The following NEK7 variants were observed in gnomAD, a reference collection of about 807,000 sequenced individuals.
NEK7 encodes the protein NIMA related kinase 7.
NEK7 carries 18 observed loss-of-function variants against 44.6 expected under a neutral mutation model. The ratio of observed to expected loss-of-function variants is 0.40; its 90% CI spans 0.28 to 0.60. NEK7 has a LOEUF of 0.60. NEK7 is among the 20% of genes least tolerant of loss of function. The pLI is 0.38. For missense variants in NEK7, 256 were observed against 366.5 expected (o/e 0.70, Z 2.46); for synonymous variants, 130 against 121.1 (o/e 1.07, Z -0.48).
chr1:198,212,450 G>A (rs575969096), intron 1 of NEK7, among the ~76,000 whole-genome samples: 66 of 152,292 alleles, frequency 4.3e-4, no homozygotes, highest in Non-Finnish European at 7.2e-4. Context: ...CTTAACTGCC[G>A]CCTGCTAATC....
At chr1:198,185,657 C>A (rs2102754895) in intron 1 of NEK7, among the ~76,000 whole-genome samples, 1 of 152,240 alleles carries the variant, frequency 6.6e-6, no homozygotes, top group South Asian at 2.1e-4. Flanking sequence ...GTGTGAGGAC[C>A]AAACAGTACC....
At chr1:198,177,184 C>T (rs950936697) in intron 1 of NEK7, among the ~76,000 whole-genome samples, 12 of 152,096 alleles carry the variant, frequency 7.9e-5, no homozygotes, top group Non-Finnish European at 5.9e-5. Context: ...ATTCACATTG[C>T]TAGCTTGATT....
intron 8 of NEK7, among the ~76,000 whole-genome samples, chr1:198,295,357 G>T (rs1171766725): frequency 6.6e-6 from 1 of 152,054 alleles, no homozygotes; most frequent in Non-Finnish European, 1.5e-5. Flanking sequence ...ATACTAATCA[G>T]GAAAGTCAGA....
intron 1 of NEK7, among the ~76,000 whole-genome samples, chr1:198,195,782 G>A (rs781162053): frequency 1.1e-4 from 17 of 152,084 alleles, no homozygotes; most frequent in African/African-American, 2.4e-4. Flanking sequence ...CTGAGATTGC[G>A]CCACTGCACT....
intron 7 of NEK7, among the ~76,000 whole-genome samples, chr1:198,291,575 C>T (rs932598518): frequency 6.6e-6 from 1 of 152,002 alleles, no homozygotes; most frequent in African/African-American, 2.4e-5. Context: ...TAAAGTTTGT[C>T]TCATTAATTT....
chr1:198,194,585 G>A (rs981093489), intron 1 of NEK7, among the ~76,000 whole-genome samples: 7 of 152,090 alleles, frequency 4.6e-5, no homozygotes, highest in Non-Finnish European at 1.0e-4. Context: ...TTCTGTTCCT[G>A]AATCAGTTTT....
At chr1:198,204,966 TAAC>T (rs1425388202) in intron 1 of NEK7, among the ~76,000 whole-genome samples, 2 of 152,144 alleles carry the variant, frequency 1.3e-5, no homozygotes, top group African/African-American at 2.4e-5. Context: ...TAACATATAA[TAAC>T]AACAATATTA....
intron 7 of NEK7, among the ~76,000 whole-genome samples, chr1:198,281,308 A>T (rs1048343298): frequency 6.6e-6 from 1 of 152,070 alleles, no homozygotes. Flanking sequence ...CAGAGTTGGC[A>T]CTGAAAAGTA....
At chr1:198,299,939 A>G (rs1222853908) in intron 9 of NEK7, among the ~76,000 whole-genome samples, 1 of 152,236 alleles carries the variant, frequency 6.6e-6, no homozygotes, top group East Asian at 1.9e-4. Context: ...TTTTAGAAAA[A>G]TAAGCCTGAA....
At chr1:198,247,459 T>C (rs150113269) in intron 2 of NEK7, among the ~76,000 whole-genome samples, 3 of 152,288 alleles carry the variant, frequency 2.0e-5, no homozygotes, top group Non-Finnish European at 4.4e-5. Flanking sequence ...GGTGAGAGAA[T>C]TGAATTTGAT....
At chr1:198,176,201 A>T (rs1022344563) in intron 1 of NEK7, among the ~76,000 whole-genome samples, 1 of 152,228 alleles carries the variant, frequency 6.6e-6, no homozygotes, top group Non-Finnish European at 1.5e-5. Flanking sequence ...ATGAAGAGCA[A>T]ATAGATTCAG....
chr1:198,242,737 C>T lies in NEK7; in HGVS notation c.57+10100C>T, dbSNP rs549562351. Among the ~76,000 whole-genome samples, 6 of 151,798 alleles carry T rather than the reference C, an allele frequency of 4.0e-5. No homozygotes were observed. In the South Asian group the frequency reaches 6.2e-4, roughly 16 times the overall value. ...TCGGCCCCACAAAGTGCTGGGATTA[C>T]AGGCGTGAGCCACCGTGCCTGGCCA... On this transcript the variant is annotated intron_variant, in intron 2 of 9. Coordinates refer to ENST00000367385, the MANE Select transcript of NEK7 (RefSeq NM_133494.3).
intron 2 of NEK7, among the ~76,000 whole-genome samples, chr1:198,251,230 T>A (rs1442680783): frequency 6.6e-6 from 1 of 151,872 alleles, no homozygotes; most frequent in Non-Finnish European, 1.5e-5. Flanking sequence ...TGAAGCCCAC[T>A]TGATCATGGT....
chr1:198,183,688 TG>T (rs1664832453), intron 1 of NEK7, among the ~76,000 whole-genome samples: 1 of 152,186 alleles, frequency 6.6e-6, no homozygotes, highest in Non-Finnish European at 1.5e-5. Flanking sequence ...TTTTTACCAA[TG>T]TTTTTTAAGT....
At chr1:198,317,893 T>TTTTTG (rs1655422388) in intron 9 of NEK7, among the ~76,000 whole-genome samples, 7 of 147,146 alleles carry the variant, frequency 4.8e-5, no homozygotes, top group Admixed American at 4.7e-4. Context: ...TTTTTTTTTT[T>TTTTTG]TTTTTTTGGT....
intron 2 of NEK7, among the ~76,000 whole-genome samples, chr1:198,250,218 T>C (rs1479817084): frequency 2.7e-5 from 4 of 147,606 alleles, no homozygotes; most frequent in African/African-American, 1.0e-4. Flanking sequence ...CTGAGGGCTC[T>C]GTTCTGTTCC....
chr1:198,296,439 T>G (rs1469133529), intron 8 of NEK7, among the ~76,000 whole-genome samples: 1 of 152,224 alleles, frequency 6.6e-6, no homozygotes, highest in Non-Finnish European at 1.5e-5. Flanking sequence ...GATAATGTCT[T>G]TTTTAAAGTT....
chr1:198,263,253 G>A (rs1184289980), intron 4 of NEK7, among the ~76,000 whole-genome samples: 1 of 151,814 alleles, frequency 6.6e-6, no homozygotes, highest in East Asian at 1.9e-4. Flanking sequence ...CCATCCGTTT[G>A]TGTTAGTGCC....
intron 6 of NEK7, 47 bp downstream of exon 6, chr1:198,278,116 A>G: frequency 5.1e-6 from 5 of 975,976 alleles, no homozygotes; most frequent in Non-Finnish European, 6.5e-6. Context: ...TAAATGATGT[A>G]AGTTCTTCAA....
Sources: allele counts gnomAD v4.1 joint callset (sites outside exome capture counted in the v4.1 genomes callset), GRCh38; gene constraint gnomAD v4.1.1; transcripts MANE v1.5; gene names NCBI Gene and HGNC (gene_info 2026-07-23, HGNC 2026-07-21).